Variants in ADAMTS12 observed in about 807,000 individuals in gnomAD.
ADAMTS12 encodes ADAM metallopeptidase with thrombospondin type 1 motif 12, also known as A disintegrin and metalloproteinase with thrombospondin motifs 12.
In ADAMTS12, 118 loss-of-function variants were observed where a neutral mutation model predicts 167.8. The observed-to-expected ratio is 0.70, with a 90% CI of 0.61 to 0.82. The LOEUF (loss-of-function observed/expected upper bound fraction) is 0.82, where lower values mean the gene tolerates loss of function less well. Ranked by LOEUF, ADAMTS12 falls within the 40% of genes least tolerant of loss-of-function variation. ADAMTS12 has a pLI of 0.00. For missense variants in ADAMTS12, 1,916 were observed against 1,998.8 expected, an observed-to-expected ratio of 0.96 and a Z score of 0.79; for synonymous variants, 704 against 716.9, an observed-to-expected ratio of 0.98 and a Z score of 0.29.
intron 22 of ADAMTS12, among the ~76,000 whole-genome samples, chr5:33,536,365 T>C (rs777243133): frequency 6.6e-6 from 1 of 152,176 alleles, no homozygotes; most frequent in Non-Finnish European, 1.5e-5. Flanking sequence ...CAGATTCCAA[T>C]TTTATTTTTT....
At chr5:33,860,793 G>A (rs539345822) in intron 2 of ADAMTS12, among the ~76,000 whole-genome samples, 50 of 152,198 alleles carry the variant, frequency 3.3e-4, no homozygotes, top group African/African-American at 1.1e-3. Flanking sequence ...AGAAAGGTCC[G>A]GTTACCCACA....
In ADAMTS12 at chr5:33,683,170, T is replaced by C. The variant is rs1012492909; in HGVS notation, c.832-69A>G. 7 of 1,253,176 alleles carry C rather than the reference T, an allele frequency of 5.6e-6. No homozygotes were observed. In the African/African-American group the frequency reaches 6.0e-5, roughly 11 times the overall value. The allele number at this position is 1,253,176 out of a possible 1,614,324, so 77.6% of individuals were successfully genotyped here. A position where few individuals can be genotyped will look rare whatever the true frequency, so the allele number is the denominator to read the frequency against. ...AATAAATAAATACCAGAGAAGAAAA[T>C]AGCATTGTAATGCACATAAAATAAA... On this transcript the variant is annotated intron_variant, in intron 4 of 23. Coordinates refer to ENST00000504830, the MANE Select transcript of ADAMTS12 (RefSeq NM_030955.4).
At chr5:33,878,621 G>A (rs1268853477) in intron 2 of ADAMTS12, among the ~76,000 whole-genome samples, 1 of 152,194 alleles carries the variant, frequency 6.6e-6, no homozygotes, top group African/African-American at 2.4e-5. Flanking sequence ...TTGCACCCCT[G>A]GTTGCTCATT....
chr5:33,570,776 G>T (rs2111933597), intron 19 of ADAMTS12, among the ~76,000 whole-genome samples: 1 of 149,906 alleles, frequency 6.7e-6, no homozygotes, highest in African/African-American at 2.4e-5. Context: ...TGGACTAAAT[G>T]CTCCAATTAA....
intron 3 of ADAMTS12, among the ~76,000 whole-genome samples, chr5:33,743,240 A>G (rs1004347408): frequency 1.3e-5 from 2 of 152,226 alleles, no homozygotes; most frequent in Non-Finnish European, 2.9e-5. Flanking sequence ...ATTGAGCTCA[A>G]GAAACGGTGG....
chr5:33,530,552 C>A (rs1262389283), intron 23 of ADAMTS12, among the ~76,000 whole-genome samples: 1 of 152,188 alleles, frequency 6.6e-6, no homozygotes, highest in Non-Finnish European at 1.5e-5. Context: ...GCTCTTTGCC[C>A]CACAATCTCG....
At chr5:33,865,127 C>T (rs1436671694) in intron 2 of ADAMTS12, among the ~76,000 whole-genome samples, 1 of 151,856 alleles carries the variant, frequency 6.6e-6, no homozygotes, top group Non-Finnish European at 1.5e-5. Context: ...TCTATGAAAC[C>T]AGTATCACCC....
rs1168920209 is a variant in ADAMTS12, at chr5:33,739,549, A to G, written c.634+11855T>C. On this transcript the variant is annotated intron_variant, in intron 3 of 23. Coordinates refer to ENST00000504830, the MANE Select transcript of ADAMTS12 (RefSeq NM_030955.4). ...CAGGATAAGGAGCCATGCCCTGAAT[A>G]AGTAGGCACTCAAATCCGTCATACT... is the stretch of plus-strand genomic sequence containing the variant. Among the ~76,000 whole-genome samples the G allele has an allele frequency of 6.6e-5, 10 of 152,176 alleles. No individual in the cohort carries two copies. In the South Asian group the frequency reaches 8.3e-4, roughly 13 times the overall value.
At chr5:33,851,068 G>T (rs1389399851) in intron 2 of ADAMTS12, among the ~76,000 whole-genome samples, 2 of 152,166 alleles carry the variant, frequency 1.3e-5, no homozygotes, top group Non-Finnish European at 2.9e-5. Context: ...GCATGACAGA[G>T]TACTCTTCTG....
chr5:33,831,131 GC>G (rs1748283509), intron 2 of ADAMTS12, among the ~76,000 whole-genome samples: 1 of 151,996 alleles, frequency 6.6e-6, no homozygotes, highest in Non-Finnish European at 1.5e-5. Context: ...ATAACAATAG[GC>G]AAAAACAATA....
At chr5:33,562,049 A>G (rs1227081036) in intron 19 of ADAMTS12, among the ~76,000 whole-genome samples, 1 of 152,182 alleles carries the variant, frequency 6.6e-6, no homozygotes, top group Non-Finnish European at 1.5e-5. Context: ...ACCCAGGAAA[A>G]TATTTGTTAC....
At chr5:33,747,208 A>G (rs1744821006) in intron 3 of ADAMTS12, among the ~76,000 whole-genome samples, 1 of 152,168 alleles carries the variant, frequency 6.6e-6, no homozygotes, top group Non-Finnish European at 1.5e-5. Context: ...CAAACAAAGT[A>G]AGTAAAGTAA....
chr5:33,679,940 C>T (rs1404626972), intron 5 of ADAMTS12, among the ~76,000 whole-genome samples: 1 of 152,182 alleles, frequency 6.6e-6, no homozygotes, highest in Non-Finnish European at 1.5e-5. Flanking sequence ...GCTTCCTGTG[C>T]CTGCCATCTT....
intron 23 of ADAMTS12, among the ~76,000 whole-genome samples, chr5:33,530,920 T>A (rs1744064754): frequency 6.6e-6 from 1 of 152,126 alleles, no homozygotes; most frequent in Non-Finnish European, 1.5e-5. Context: ...GTGAATGTGA[T>A]CTGATTTGGA....
intron 3 of ADAMTS12, among the ~76,000 whole-genome samples, chr5:33,697,360 G>A (rs150626057): frequency 6.6e-6 from 1 of 152,162 alleles, no homozygotes; most frequent in Non-Finnish European, 1.5e-5. Flanking sequence ...AGGAAAAAGA[G>A]ATCAAGGTAA....
intron 18 of ADAMTS12, among the ~76,000 whole-genome samples, chr5:33,583,561 A>G (rs1425528005): frequency 6.6e-6 from 1 of 151,950 alleles, no homozygotes; most frequent in Non-Finnish European, 1.5e-5. Flanking sequence ...TTTTTGAGGA[A>G]CCTCCAAACT....
At chr5:33,879,756 C>T (rs1278501394) in intron 2 of ADAMTS12, among the ~76,000 whole-genome samples, 1 of 152,152 alleles carries the variant, frequency 6.6e-6, no homozygotes, top group Non-Finnish European at 1.5e-5. Context: ...ACTTAAACTG[C>T]TGGATAATGT....
chr5:33,608,496 G>A (rs924883997), intron 16 of ADAMTS12, among the ~76,000 whole-genome samples: 6 of 152,262 alleles, frequency 3.9e-5, no homozygotes, highest in East Asian at 1.9e-4. Context: ...CACTTATCAC[G>A]CTTAGAGTTC....
intron 17 of ADAMTS12, among the ~76,000 whole-genome samples, chr5:33,594,405 C>T (rs1379358518): frequency 6.6e-6 from 1 of 152,150 alleles, no homozygotes; most frequent in Non-Finnish European, 1.5e-5. Flanking sequence ...TTATTATATC[C>T]TACTTGAGAG....
Sources: gnomAD v4.1 joint callset for allele counts (sites outside exome capture counted in the v4.1 genomes callset) on GRCh38, gnomAD v4.1.1 for gene constraint, MANE v1.5 for transcripts, NCBI Gene and HGNC (gene_info 2026-07-23, HGNC 2026-07-21) for gene names.